MBD5: variants seen among roughly 807,000 people sequenced by gnomAD.
MBD5 encodes the protein methyl-CpG binding domain protein 5.
MBD5 carries 13 observed loss-of-function variants against 117.3 expected under a neutral mutation model. The ratio of observed to expected loss-of-function variants is 0.11; its 90% confidence interval spans 0.07 to 0.18. MBD5 has a LOEUF of 0.18. MBD5 is among the 10% of genes least tolerant of loss of function. The pLI, the probability that MBD5 is intolerant of heterozygous loss-of-function variation, is 1.00. For missense variants in MBD5, 1,879 were observed against 2,093.8 expected (o/e 0.90, Z 2.00); for synonymous variants, 727 against 766.4 (o/e 0.95, Z 0.85).
At chr2:148,195,173 C>A (rs906823150) in intron 2 of MBD5, among the ~76,000 whole-genome samples, 5 of 150,550 alleles carry the variant, frequency 3.3e-5, no homozygotes, top group African/African-American at 5.0e-5. Context: ...AGAAGGAGTG[C>A]ATTTTAAATA....
At chr2:148,089,208 T>G (rs1204098580) in intron 1 of MBD5, among the ~76,000 whole-genome samples, 1 of 152,028 alleles carries the variant, frequency 6.6e-6, no homozygotes, top group Non-Finnish European at 1.5e-5. Context: ...TATAAAATAA[T>G]TATTACTAGG....
At chr2:148,303,319 A>G (rs1168781524) in intron 3 of MBD5, among the ~76,000 whole-genome samples, 1 of 152,196 alleles carries the variant, frequency 6.6e-6, no homozygotes, top group African/African-American at 2.4e-5. Flanking sequence ...ATTCTAAACA[A>G]AGGCACAGCA....
chr2:148,143,583 G>A (rs979626436), intron 1 of MBD5, among the ~76,000 whole-genome samples: 9 of 151,938 alleles, frequency 5.9e-5, no homozygotes, highest in South Asian at 4.1e-4. Flanking sequence ...CCCTTAACTC[G>A]TCATTTACAT....
chr2:148,453,706 C>A (rs1706796899), intron 4 of MBD5, among the ~76,000 whole-genome samples: 1 of 151,652 alleles, frequency 6.6e-6, no homozygotes. Context: ...ACAGCAGAAG[C>A]TTTAGTTTTT....
intron 4 of MBD5, among the ~76,000 whole-genome samples, chr2:148,455,287 C>A (rs1037042922): frequency 5.9e-5 from 9 of 152,134 alleles, no homozygotes; most frequent in African/African-American, 2.2e-4. Context: ...TCCTCCCATA[C>A]TCCATCCCCA....
At chr2:148,249,291 A>C (rs1226444985) in intron 3 of MBD5, among the ~76,000 whole-genome samples, 1 of 152,192 alleles carries the variant, frequency 6.6e-6, no homozygotes, top group Admixed American at 6.6e-5. Context: ...TTGTGTCTTA[A>C]TCTGACTTTG....
At chr2:148,491,190 C>A (rs1368774803) in intron 11 of MBD5, among the ~76,000 whole-genome samples, 1 of 151,104 alleles carries the variant, frequency 6.6e-6, no homozygotes, top group African/African-American at 2.5e-5. Flanking sequence ...AATGTTTAAC[C>A]TCATAGTCTG....
intron 4 of MBD5, among the ~76,000 whole-genome samples, chr2:148,435,177 T>C (rs1021611496): frequency 6.6e-6 from 1 of 152,184 alleles, no homozygotes; most frequent in Admixed American, 6.5e-5. Context: ...GATGGATCAC[T>C]TGAAGACAGC....
chr2:148,439,940 A>G (rs1320812781), intron 4 of MBD5, among the ~76,000 whole-genome samples: 3 of 152,022 alleles, frequency 2.0e-5, no homozygotes, highest in Non-Finnish European at 4.4e-5. Context: ...AGGTTCTGCT[A>G]TGTTGCCAGG....
intron 4 of MBD5, among the ~76,000 whole-genome samples, chr2:148,418,946 G>T (rs7595203): frequency 0.24 from 36,827 of 151,946 alleles, 5,086 homozygotes; most frequent in African/African-American, 0.37. Context: ...AACAAATCTG[G>T]AGGCATCACA....
At chr2:148,153,095 G>A (rs532966071) in intron 1 of MBD5, among the ~76,000 whole-genome samples, 1 of 151,770 alleles carries the variant, frequency 6.6e-6, no homozygotes, top group African/African-American at 2.4e-5. Context: ...TCCTTTCCAT[G>A]TTTAGCGCTT....
At chr2:148,372,964 T>G (rs1703896932) in intron 4 of MBD5, among the ~76,000 whole-genome samples, 1 of 152,148 alleles carries the variant, frequency 6.6e-6, no homozygotes, top group African/African-American at 2.4e-5. Flanking sequence ...GAGCAATTAT[T>G]CTAATTAGCT....
intron 3 of MBD5, among the ~76,000 whole-genome samples, chr2:148,273,393 A>C (rs1207244086): frequency 6.6e-6 from 1 of 152,166 alleles, no homozygotes; most frequent in African/African-American, 2.4e-5. Flanking sequence ...GCTGGAGGTC[A>C]CAAGATTTGT....
rs148910490 is a variant in MBD5 at position 148,159,167 on chromosome 2, T to A, written c.-924-19533T>A. Among the ~76,000 whole-genome samples the A allele has an allele frequency of 2.7e-3, 417 of 152,338 alleles. 1 individual carries two copies. Among genetic ancestry groups the A allele is most frequent in the African/African-American group, 9.8e-3 (406 of 41,578 alleles). Reference sequence around the variant, plus strand: ...TTAATCAAGACTCAAACACTCTTATTCTGTTTCCAAATCCGTGCTTGTTCT... The same window carrying A: ...TTAATCAAGACTCAAACACTCTTATACTGTTTCCAAATCCGTGCTTGTTCT... On this transcript the variant is annotated intron_variant, in intron 1 of 13. Coordinates refer to ENST00000642680, the MANE Select transcript of MBD5 (RefSeq NM_001378120.1).
intron 4 of MBD5, among the ~76,000 whole-genome samples, chr2:148,457,671 G>T (rs1019039201): frequency 6.6e-6 from 1 of 152,016 alleles, no homozygotes; most frequent in African/African-American, 2.4e-5. Flanking sequence ...ATATGGGAGG[G>T]AAACCACCTC....
chr2:148,177,728 A>G (rs938922899), intron 1 of MBD5, among the ~76,000 whole-genome samples: 19 of 152,192 alleles, frequency 1.2e-4, no homozygotes, highest in African/African-American at 4.3e-4. Flanking sequence ...ATACTAATTA[A>G]ACCATAATAT....
At chr2:148,472,242 A>G (rs1188862937) in intron 8 of MBD5, 1 of 151,990 alleles carries the variant, frequency 6.6e-6, no homozygotes, top group African/African-American at 2.4e-5. Context: ...CTGTACTGTT[A>G]CTGCTGGGGG....
intron 5 of MBD5, among the ~76,000 whole-genome samples, chr2:148,461,355 T>A (rs1707073809): frequency 6.6e-6 from 1 of 152,216 alleles, no homozygotes; most frequent in Admixed American, 6.5e-5. Flanking sequence ...ATAGCCTAAG[T>A]AAATGAGTAA....
chr2:148,055,039 A>G (rs550476040), intron 1 of MBD5: 15 of 152,194 alleles, frequency 9.9e-5, no homozygotes, highest in Non-Finnish European at 1.9e-4. Context: ...ATATATTTTT[A>G]TATGTATATA....
Sources: gnomAD v4.1 joint callset for allele counts (sites outside exome capture counted in the v4.1 genomes callset) on GRCh38, gnomAD v4.1.1 for gene constraint, MANE v1.5 for transcripts, NCBI Gene and HGNC (gene_info 2026-07-23, HGNC 2026-07-21) for gene names.